The following MAP4K3 variants were observed in gnomAD, a reference collection of about 807,000 sequenced individuals.
MAP4K3 encodes the protein mitogen-activated protein kinase kinase kinase kinase 3.
Under a neutral mutation model 143.5 loss-of-function variants are expected in MAP4K3, and 94 were observed. That is an observed-to-expected ratio of 0.65 (90% confidence interval 0.55 to 0.78). The LOEUF is 0.78. Among genes scored for constraint, MAP4K3 ranks in the 30% least tolerant of loss-of-function variants. The probability of loss-of-function intolerance (pLI) is 0.00; values close to 1 mark genes in which losing one functional copy is unlikely to be tolerated. For synonymous variants in MAP4K3, 416 were observed against 347.2 expected, an observed-to-expected ratio of 1.20 and a Z score of -2.20; for missense variants, 1,077 against 1,068.1, an observed-to-expected ratio of 1.01 and a Z score of -0.12.
chr2:39,434,175 T>A (rs1401021388), intron 1 of MAP4K3, among the ~76,000 whole-genome samples: 3 of 152,328 alleles, frequency 2.0e-5, no homozygotes, highest in African/African-American at 7.2e-5. Flanking sequence ...TTTTAGCACG[T>A]AAATGCTGAC....
chr2:39,295,252 G>A (rs1403308464), intron 16 of MAP4K3, among the ~76,000 whole-genome samples: 2 of 152,020 alleles, frequency 1.3e-5, no homozygotes, highest in African/African-American at 4.8e-5. Flanking sequence ...AAACCACTGT[G>A]AAGAGCTGGC....
At chr2:39,306,305 T>A (rs975485236) in intron 15 of MAP4K3, among the ~76,000 whole-genome samples, 1 of 152,266 alleles carries the variant, frequency 6.6e-6, no homozygotes, top group Non-Finnish European at 1.5e-5. Flanking sequence ...ACATTTTCAA[T>A]CCAGCAAGCA....
chr2:39,401,046 G>T (rs1416655439), intron 1 of MAP4K3, among the ~76,000 whole-genome samples: 2 of 152,052 alleles, frequency 1.3e-5, no homozygotes, highest in Non-Finnish European at 2.9e-5. Flanking sequence ...AATTGTCCCG[G>T]CTTATATTCT....
intron 1 of MAP4K3, among the ~76,000 whole-genome samples, chr2:39,378,901 T>C (rs1355998426): frequency 6.6e-6 from 1 of 151,506 alleles, no homozygotes; most frequent in Admixed American, 6.6e-5. Context: ...ATATTATATA[T>C]AATACACATA....
chr2:39,435,891 G>A (rs529970158), intron 1 of MAP4K3, among the ~76,000 whole-genome samples: 1 of 152,338 alleles, frequency 6.6e-6, no homozygotes, highest in African/African-American at 2.4e-5. Flanking sequence ...AGTTACCACA[G>A]GCATTACACT....
intron 31 of MAP4K3, among the ~76,000 whole-genome samples, chr2:39,257,480 G>A (rs1350898941): frequency 6.6e-6 from 1 of 152,114 alleles, no homozygotes; most frequent in Non-Finnish European, 1.5e-5. Flanking sequence ...GAGGAAATGG[G>A]AATTCAAAAC....
chr2:39,322,964 C>T (rs1683363158), intron 12 of MAP4K3, among the ~76,000 whole-genome samples: 1 of 152,030 alleles, frequency 6.6e-6, no homozygotes, highest in Non-Finnish European at 1.5e-5. Context: ...GCCACTGAGC[C>T]CACCCTTATT....
At chr2:39,396,482 T>A (rs1666808850) in intron 1 of MAP4K3, among the ~76,000 whole-genome samples, 1 of 151,532 alleles carries the variant, frequency 6.6e-6, no homozygotes, top group African/African-American at 2.4e-5. Context: ...CCCCCAATTT[T>A]TTTTTTTTTT....
chr2:39,423,426 A>G (rs892565686), intron 1 of MAP4K3, among the ~76,000 whole-genome samples: 11 of 152,242 alleles, frequency 7.2e-5, no homozygotes, highest in African/African-American at 2.7e-4. Context: ...GTATTTGCCC[A>G]AATGAGCTGA....
At chr2:39,316,872 T>C (rs1007514720) in intron 12 of MAP4K3, among the ~76,000 whole-genome samples, 6 of 152,106 alleles carry the variant, frequency 3.9e-5, no homozygotes, top group African/African-American at 1.4e-4. Context: ...AAAGGCCATG[T>C]AGATACATTC....
In MAP4K3 at chr2:39,258,447, G is replaced by GA. The variant is rs1558603522; in HGVS notation, c.2378-8dup. On this transcript the variant is annotated splice_region_variant and splice_polypyrimidine_tract_variant and intron_variant, in intron 30 of 33. Transcript: ENST00000263881. ...TTTACTATTTTTATACAACCTAGAG[G>GA]AAAAAAAGTCACTCAGAAACTAAGA... is the stretch of plus-strand genomic sequence containing the variant. 1.2e-6 allele frequency: 2 copies of GA among 1,604,202 alleles called. No individual in the cohort carries two copies. Among genetic ancestry groups the GA allele is most frequent in the Non-Finnish European group, 1.7e-6 (2 of 1,172,454 alleles).
intron 1 of MAP4K3, among the ~76,000 whole-genome samples, chr2:39,403,925 A>C (rs1166131400): frequency 6.6e-6 from 1 of 151,330 alleles, no homozygotes; most frequent in East Asian, 2.0e-4. Flanking sequence ...AGGATCGTGA[A>C]GCACCCATTC....
In MAP4K3 at chr2:39,437,033, G is replaced by T. The variant is rs1665513614; in HGVS notation, c.-46C>A. 6.1e-6 allele frequency: 9 copies of T among 1,467,602 alleles called. No homozygotes were observed. The highest frequency in any genetic ancestry group is 8.5e-6 in the Non-Finnish European group (9 of 1,062,658). The allele number at this position is 1,467,602 out of a possible 1,614,324, so 90.9% of individuals were successfully genotyped here. A position where few individuals can be genotyped will look rare whatever the true frequency, so the allele number is the denominator to read the frequency against. ...CGCCTCCCTCCCGGGCAGGGGAGGG[G>T]GGCCGCTCAGGGGGCCACACGGAGA... On this transcript the variant is annotated 5_prime_UTR_variant, in exon 1 of 34. Transcript: ENST00000263881.
At chr2:39,420,057 A>G (rs1013978959) in intron 1 of MAP4K3, among the ~76,000 whole-genome samples, 26 of 152,320 alleles carry the variant, frequency 1.7e-4, no homozygotes, top group African/African-American at 6.3e-4. Flanking sequence ...AAATGGAGGA[A>G]GAGGAGTATG....
chr2:39,288,067 C>A (rs897462281), intron 20 of MAP4K3, 54 bp downstream of exon 20: 1 of 1,579,758 alleles, frequency 6.3e-7, no homozygotes, highest in African/African-American at 1.4e-5. Flanking sequence ...AGTTTTTTTT[C>A]TCCCCATAGT....
intron 12 of MAP4K3, among the ~76,000 whole-genome samples, chr2:39,322,714 G>C (rs1683352296): frequency 6.7e-6 from 1 of 149,674 alleles, no homozygotes; most frequent in Admixed American, 6.7e-5. Context: ...CTGTTGCCCA[G>C]GCTGGAGTGC....
At chr2:39,259,133 T>C (rs530492021) in intron 29 of MAP4K3, among the ~76,000 whole-genome samples, 60 of 151,558 alleles carry the variant, frequency 4.0e-4, no homozygotes, top group African/African-American at 1.4e-3. Flanking sequence ...GCTGAGACCA[T>C]AGGTGTATGC....
chr2:39,383,864 C>T (rs56928728), intron 1 of MAP4K3, among the ~76,000 whole-genome samples: 7,351 of 151,940 alleles, frequency 0.048, 299 homozygotes, highest in African/African-American at 0.11. Flanking sequence ...CAGCACTTTG[C>T]GAGGCAAAAG....
At chr2:39,423,435 G>A (rs1343150634) in intron 1 of MAP4K3, among the ~76,000 whole-genome samples, 1 of 152,170 alleles carries the variant, frequency 6.6e-6, no homozygotes, top group African/African-American at 2.4e-5. Flanking sequence ...CAAATGAGCT[G>A]AAAATTTATG....
Sources: gnomAD v4.1 joint callset for allele counts (sites outside exome capture counted in the v4.1 genomes callset) on GRCh38, gnomAD v4.1.1 for gene constraint, MANE v1.5 for transcripts, NCBI Gene and HGNC (gene_info 2026-07-23, HGNC 2026-07-21) for gene names.